Variants in LARGE1 observed in about 807,000 individuals in gnomAD.
LARGE1 encodes the protein LARGE xylosyl- and glucuronyltransferase 1.
Under a neutral mutation model 87.6 loss-of-function variants are expected in LARGE1, and 43 were observed. The ratio of observed to expected loss-of-function variants is 0.49; its 90% CI spans 0.38 to 0.63. The LOEUF is 0.63. Among genes scored for constraint, LARGE1 ranks in the 30% least tolerant of loss-of-function variants. The pLI, the probability that LARGE1 is intolerant of heterozygous loss-of-function variation, is 0.00. For synonymous variants in LARGE1, 434 were observed against 394.6 expected (o/e 1.10, Z -1.18); for missense variants, 802 against 1,000.2 (o/e 0.80, Z 2.67).
chr22:33,583,081 T>C (rs1219428714), intron 5 of LARGE1, among the ~76,000 whole-genome samples: 1 of 152,200 alleles, frequency 6.6e-6, no homozygotes, highest in African/African-American at 2.4e-5. Flanking sequence ...ATAGGACTCT[T>C]GCTCTTCCTG....
chr22:33,553,155 C>G (rs1189463117), intron 6 of LARGE1, among the ~76,000 whole-genome samples: 3 of 152,168 alleles, frequency 2.0e-5, no homozygotes. Context: ...ATATTAAGAA[C>G]CTCTCCCATC....
the LARGE1 span, among the ~76,000 whole-genome samples, chr22:33,101,004 C>A: frequency 2.0e-5 from 3 of 152,058 alleles, no homozygotes; most frequent in African/African-American, 7.2e-5. Context: ...TGCTACCACA[C>A]CCGGCTAATT....
intron 6 of LARGE1, among the ~76,000 whole-genome samples, chr22:33,454,340 C>T (rs1011623227): frequency 6.6e-6 from 1 of 152,058 alleles, no homozygotes; most frequent in African/African-American, 2.4e-5. Flanking sequence ...TTGAGTTAGG[C>T]CGGGCACAGT....
exon 12 of LARGE1, chr22:33,166,510 T>C (rs957019508): frequency 3.0e-6 from 1 of 331,986 alleles, no homozygotes; most frequent in Middle Eastern, 1.1e-3. Context: ...ACTTCAATGT[T>C]ACCACGGGGA....
intron 6 of LARGE1, among the ~76,000 whole-genome samples, chr22:33,544,329 G>A (rs1045232819): frequency 2.2e-4 from 33 of 152,124 alleles, no homozygotes; most frequent in Non-Finnish European, 3.5e-4. Flanking sequence ...AACTCCTGGC[G>A]GTGTCAAAAT....
At chr22:33,514,464 A>G (rs928716823) in intron 6 of LARGE1, among the ~76,000 whole-genome samples, 2 of 152,234 alleles carry the variant, frequency 1.3e-5, no homozygotes, top group Non-Finnish European at 2.9e-5. Context: ...CTAAGAAAAA[A>G]CAATGAAAAT....
intron 11 of LARGE1, among the ~76,000 whole-genome samples, chr22:33,201,330 GAGAGAGAGAAAGAA>G (rs145476743): frequency 0.22 from 33,509 of 149,006 alleles, 4,005 homozygotes; most frequent in Middle Eastern, 0.35. Flanking sequence ...AAGAGAGAAA[GAGAGAGAGAAAGAA>G]AGAGAGAGAA....
At chr22:33,828,792 G>A (rs1402827324) in intron 1 of LARGE1, among the ~76,000 whole-genome samples, 1 of 152,100 alleles carries the variant, frequency 6.6e-6, no homozygotes, top group Non-Finnish European at 1.5e-5. Context: ...TACAAGAAGA[G>A]AAGGAAAAAA....
At chr22:33,884,724 C>G (rs1402205094) in intron 1 of LARGE1, among the ~76,000 whole-genome samples, 2 of 152,222 alleles carry the variant, frequency 1.3e-5, no homozygotes, top group Non-Finnish European at 2.9e-5. Flanking sequence ...AAATCACCCT[C>G]TTAGTGGCAT....
intron 1 of LARGE1, among the ~76,000 whole-genome samples, chr22:33,837,971 A>G (rs1469205161): frequency 6.6e-6 from 1 of 152,224 alleles, no homozygotes; most frequent in Non-Finnish European, 1.5e-5. Flanking sequence ...TGCATGCCAT[A>G]CTTTCTCTCT....
intron 2 of LARGE1, among the ~76,000 whole-genome samples, chr22:33,731,109 T>G (rs1314074908): frequency 6.6e-6 from 1 of 151,770 alleles, no homozygotes; most frequent in Non-Finnish European, 1.5e-5. Flanking sequence ...TTCACGCCAT[T>G]CTCCTGCCTC....
chr22:33,315,505 C>T (rs1490870958), intron 11 of LARGE1, among the ~76,000 whole-genome samples: 4 of 152,278 alleles, frequency 2.6e-5, no homozygotes, highest in South Asian at 2.1e-4. Context: ...TAATTCGAGT[C>T]GGGCTCTACT....
chr22:33,333,670 G>A (rs1938037641), intron 10 of LARGE1, among the ~76,000 whole-genome samples: 1 of 152,134 alleles, frequency 6.6e-6, no homozygotes, highest in Admixed American at 6.6e-5. Flanking sequence ...TGCTTATTAT[G>A]TGCTTGGTTC....
intron 4 of LARGE1, among the ~76,000 whole-genome samples, chr22:33,618,369 T>G (rs1390894069): frequency 6.6e-6 from 1 of 152,196 alleles, no homozygotes; most frequent in Non-Finnish European, 1.5e-5. Context: ...TGGAGACTGA[T>G]TCATCTGTGA....
intron 2 of LARGE1, among the ~76,000 whole-genome samples, chr22:33,690,472 G>T (rs1184844719): frequency 6.6e-6 from 1 of 152,114 alleles, no homozygotes; most frequent in Admixed American, 6.5e-5. Flanking sequence ...GGTAAGGCTG[G>T]AAGAAGCCTG....
At chr22:33,884,089 T>C (rs145624500) in intron 1 of LARGE1, among the ~76,000 whole-genome samples, 2 of 152,230 alleles carry the variant, frequency 1.3e-5, no homozygotes, top group Non-Finnish European at 2.9e-5. Flanking sequence ...ATGAGAAAAA[T>C]AAAGACTTGA....
At chr22:33,864,554 A>T (rs1184779205) in intron 1 of LARGE1, among the ~76,000 whole-genome samples, 1 of 152,268 alleles carries the variant, frequency 6.6e-6, no homozygotes, top group South Asian at 2.1e-4. Context: ...ACCAGGCAAG[A>T]CTGTAAGCTC....
chr22:33,235,369 AC>A (rs1297481082), intron 11 of LARGE1, among the ~76,000 whole-genome samples: 1 of 152,210 alleles, frequency 6.6e-6, no homozygotes, highest in Non-Finnish European at 1.5e-5. Flanking sequence ...TTGCCCTCAG[AC>A]CTGCATGTTA....
the LARGE1 span, among the ~76,000 whole-genome samples, chr22:33,143,835 C>A: frequency 2.0e-5 from 3 of 152,034 alleles, no homozygotes; most frequent in South Asian, 2.1e-4. Context: ...ATAACAAAAT[C>A]CATTATACTG....
Sources: gnomAD v4.1 joint callset for allele counts (sites outside exome capture counted in the v4.1 genomes callset) on GRCh38, gnomAD v4.1.1 for gene constraint, MANE v1.5 for transcripts, NCBI Gene and HGNC (gene_info 2026-07-23, HGNC 2026-07-21) for gene names.